ATXN10: variants seen among roughly 807,000 people sequenced by gnomAD.
ATXN10 encodes ataxin 10.
ATXN10 carries 28 observed loss-of-function variants against 52.9 expected under a neutral mutation model. That is an observed-to-expected ratio of 0.53 (90% CI 0.39 to 0.73). The LOEUF (loss-of-function observed/expected upper bound fraction) is 0.73, where lower values mean the gene tolerates loss of function less well. ATXN10 is among the 30% of genes least tolerant of loss of function. ATXN10 has a pLI of 0.00. For synonymous variants in ATXN10, 226 were observed against 221.5 expected, an observed-to-expected ratio of 1.02 and a Z score of -0.18; for missense variants, 565 against 577.0, an observed-to-expected ratio of 0.98 and a Z score of 0.21.
intron 6 of ATXN10, among the ~76,000 whole-genome samples, chr22:45,726,267 T>A (rs1924865824): frequency 6.6e-6 from 1 of 152,348 alleles, no homozygotes; most frequent in East Asian, 1.9e-4. Context: ...CTGGTGGAAT[T>A]TGGCCATGTA....
intron 5 of ATXN10, among the ~76,000 whole-genome samples, chr22:45,716,149 T>TA (rs761025500): frequency 7.9e-5 from 12 of 152,098 alleles, no homozygotes; most frequent in Non-Finnish European, 1.3e-4. Flanking sequence ...CGTGTAGTTC[T>TA]ATCTACTTGA....
rs117614263 is a variant in ATXN10, at chr22:45,775,667, G to A, written c.1174-31292G>A. Among the ~76,000 whole-genome samples, 967 of 152,298 alleles carry A rather than the reference G, an allele frequency of 6.3e-3. 7 individuals are homozygous for A. Among genetic ancestry groups the A allele is most frequent in the South Asian group, 0.015 (70 of 4,826 alleles). On this transcript the variant is annotated intron_variant, in intron 9 of 11. Coordinates refer to ENST00000252934, the MANE Select transcript of ATXN10 (RefSeq NM_013236.4). The surrounding 1 kb of genome is among the most constrained non-coding windows in gnomAD (Gnocchi z 4.7). ...TCGTGTGACTATTTATAATAAAAATGTGACTTGCAGTATTGTTATTGAGAG... is the reference window on the plus strand; with the variant it reads ...TCGTGTGACTATTTATAATAAAAATATGACTTGCAGTATTGTTATTGAGAG...
rs1323502107 is a variant in ATXN10, at chr22:45,841,206, G to C, written c.1238-1785G>C. Reference sequence around the variant, plus strand: ...GGAAATGCAGCCATATAAAGGACCTGGACTTTGTCACGAGAGAATGACAGA... The same window carrying C: ...GGAAATGCAGCCATATAAAGGACCTCGACTTTGTCACGAGAGAATGACAGA... On this transcript the variant is annotated intron_variant, in intron 10 of 11. Transcript: ENST00000252934. The surrounding 1 kb of genome is among the most constrained non-coding windows in gnomAD (Gnocchi z 5.1). Among the ~76,000 whole-genome samples the C allele has an allele frequency of 6.6e-6, 1 of 152,190 alleles. No individual in the cohort carries two copies. The highest frequency in any genetic ancestry group is 1.9e-4 in the East Asian group (1 of 5,202).
rs185646286 is a variant in ATXN10, at chr22:45,698,153, G to A, written c.392-2129G>A. Among the ~76,000 whole-genome samples, 93 of 152,116 alleles carry A rather than the reference G, an allele frequency of 6.1e-4. 1 individual carries two copies. In the East Asian group the frequency reaches 0.017, roughly 28 times the overall value. On this transcript the variant is annotated intron_variant, in intron 3 of 11. Transcript: ENST00000252934. ...GTTTATCTGTTTTTATTTCTTTTGGGTGTATACCTAGGAATAGAATTGCTG... is the reference window on the plus strand; with the variant it reads ...GTTTATCTGTTTTTATTTCTTTTGGATGTATACCTAGGAATAGAATTGCTG...
chr22:45,704,325 G>C (rs1354984280), intron 5 of ATXN10, among the ~76,000 whole-genome samples: 1 of 150,906 alleles, frequency 6.6e-6, no homozygotes, highest in Non-Finnish European at 1.5e-5. Context: ...AAAAAAAACA[G>C]CTGGAATTTT....
chr22:45,672,317 G>GC, intron 1 of ATXN10, 138 bp downstream of exon 1: 3 of 959,124 alleles, frequency 3.1e-6, no homozygotes, highest in Non-Finnish European at 3.9e-6. Flanking sequence ...CTGCCTGAGC[G>GC]CCACCCAGGC....
chr22:45,695,405 C>T (rs576658668), intron 3 of ATXN10, among the ~76,000 whole-genome samples: 11 of 151,872 alleles, frequency 7.2e-5, no homozygotes, highest in Admixed American at 5.2e-4. Flanking sequence ...TGAGAAGTCT[C>T]CAGTTGCATT....
At chr22:45,726,667 C>A (rs940880000) in intron 6 of ATXN10, among the ~76,000 whole-genome samples, 2 of 151,982 alleles carry the variant, frequency 1.3e-5, no homozygotes, top group African/African-American at 2.4e-5. Context: ...TTTGTTATTT[C>A]TTTTCTTTTG....
At chr22:45,782,114 C>G (rs1327634945) in intron 9 of ATXN10, among the ~76,000 whole-genome samples, 1 of 152,146 alleles carries the variant, frequency 6.6e-6, no homozygotes, top group Non-Finnish European at 1.5e-5. Context: ...GCAAGTGACT[C>G]AACTCTCTGG....
intron 3 of ATXN10, among the ~76,000 whole-genome samples, chr22:45,694,553 G>A (rs778027308): frequency 1.3e-5 from 2 of 151,928 alleles, no homozygotes; most frequent in Non-Finnish European, 2.9e-5. Context: ...AGGCTGAGGC[G>A]GGCGGATCAT....
Position 45,672,021 on chromosome 22 carries a change from C to T in ATXN10, c.-43C>T, listed in dbSNP as rs528983470. 310 of 1,528,352 alleles carry T rather than the reference C, an allele frequency of 2.0e-4. No individual in the cohort carries two copies. Among genetic ancestry groups the T allele is most frequent in the Non-Finnish European group, 1.9e-4 (217 of 1,140,982 alleles). 94.7% of individuals were successfully genotyped at this position (1,528,352 alleles called of 1,614,324 possible). A position where few individuals can be genotyped will look rare whatever the true frequency, so the allele number is the denominator to read the frequency against. The stretch of plus-strand genomic sequence containing the variant: ...CATCCTCCCCCTTCGTCCTCCTCGC[C>T]TTCCTCCTCCTCGTCAGGCTCGACC... On this transcript the variant is annotated 5_prime_UTR_variant, in exon 1 of 12. Coordinates refer to ENST00000252934, the MANE Select transcript of ATXN10 (RefSeq NM_013236.4).
intron 5 of ATXN10, 54 bp downstream of exon 5, chr22:45,702,901 T>C: frequency 6.2e-7 from 1 of 1,607,376 alleles, no homozygotes. Context: ...CAGATCACTT[T>C]CCTTGCAGAG....
At chr22:45,829,285 G>A (rs932276203) in intron 10 of ATXN10, among the ~76,000 whole-genome samples, 3 of 152,106 alleles carry the variant, frequency 2.0e-5, no homozygotes, top group South Asian at 2.1e-4. Flanking sequence ...ATAACTCCAC[G>A]ATGAAAGACT....
chr22:45,834,389 G>A (rs900688058), intron 10 of ATXN10, among the ~76,000 whole-genome samples: 17 of 152,226 alleles, frequency 1.1e-4, no homozygotes, highest in Admixed American at 2.6e-4. Flanking sequence ...ATCCCCTATC[G>A]TTAGGACCTC....
intron 1 of ATXN10, chr22:45,673,791 A>G (rs1051835937): frequency 6.6e-6 from 1 of 152,200 alleles, no homozygotes; most frequent in Non-Finnish European, 1.5e-5. Context: ...GCTCGGTTAT[A>G]GATGAGAGGA....
rs1249508481 is a variant in ATXN10, at chr22:45,728,708, G to A, written c.729-717G>A. Among the ~76,000 whole-genome samples, 1 of 152,152 alleles carries A rather than the reference G, an allele frequency of 6.6e-6. No individual in the cohort carries two copies. Among genetic ancestry groups the A allele is most frequent in the Non-Finnish European group, 1.5e-5 (1 of 68,014 alleles). On this transcript the variant is annotated intron_variant, in intron 6 of 11. Coordinates refer to ENST00000252934, the MANE Select transcript of ATXN10 (RefSeq NM_013236.4). This position sits in a 1 kb window ranked among gnomAD's most constrained non-coding sequence, Gnocchi z 4.3. ...ATGCTAGACAGATTGACCTATGTGT[G>A]ATTCATTTTTCCTAGGAGAAGGAAA...
chr22:45,695,217 G>C (rs957377527), intron 3 of ATXN10, among the ~76,000 whole-genome samples: 1 of 150,530 alleles, frequency 6.6e-6, no homozygotes, highest in African/African-American at 2.4e-5. Flanking sequence ...CCAGCTACTG[G>C]GGAGGCTGAG....
Position 45,763,896 on chromosome 22 carries a change from T to C in ATXN10, c.1173+23358T>C, listed in dbSNP as rs1189982544. ...TGAGGTGCCGGCTGTGTTAGGCTCT[T>C]ACCCCCACCTCCCCCAGTGTCTTCC... On this transcript the variant is annotated intron_variant, in intron 9 of 11. Coordinates refer to ENST00000252934, the MANE Select transcript of ATXN10 (RefSeq NM_013236.4). The surrounding 1 kb of genome is among the most constrained non-coding windows in gnomAD (Gnocchi z 6.9). 2.0e-5 allele frequency among the ~76,000 whole-genome samples: 3 copies of C among 152,100 alleles called. No individual in the cohort carries two copies. Among genetic ancestry groups the C allele is most frequent in the African/African-American group, 7.2e-5 (3 of 41,406 alleles).
In ATXN10 at chr22:45,727,588, C is replaced by G. The variant is rs941421667; in HGVS notation, c.729-1837C>G. The stretch of plus-strand genomic sequence containing the variant: ...GTTGGCCAGGCTGGTCTCGAATGCC[C>G]GATCTCAGGTGATCCCCCATCCTCG... On this transcript the variant is annotated intron_variant, in intron 6 of 11. Coordinates refer to ENST00000252934, the MANE Select transcript of ATXN10 (RefSeq NM_013236.4). This position sits in a 1 kb window ranked among gnomAD's most constrained non-coding sequence, Gnocchi z 4.6. Among the ~76,000 whole-genome samples the G allele has an allele frequency of 6.6e-6, 1 of 151,896 alleles. No homozygotes were observed. Among genetic ancestry groups the G allele is most frequent in the African/African-American group, 2.4e-5 (1 of 41,332 alleles).
Sources: allele counts gnomAD v4.1 joint callset (sites outside exome capture counted in the v4.1 genomes callset), GRCh38; gene constraint gnomAD v4.1.1; non-coding constraint Gnocchi (gnomAD v3.1); transcripts MANE v1.5; gene names NCBI Gene and HGNC (gene_info 2026-07-23, HGNC 2026-07-21).